The following ADK variants were observed in gnomAD, a reference collection of about 807,000 sequenced individuals.
The protein encoded by ADK is N6,N6-dimethyladenosine kinase.
Under a neutral mutation model 44.7 loss-of-function variants are expected in ADK, and 24 were observed. The ratio of observed to expected loss-of-function variants is 0.54; its 90% CI spans 0.39 to 0.76. The LOEUF is 0.76. ADK is among the 30% of genes least tolerant of loss of function. ADK has a pLI of 0.00. For missense variants in ADK, 321 were observed against 425.1 expected, an observed-to-expected ratio of 0.76 and a Z score of 2.15; for synonymous variants, 128 against 142.6, an observed-to-expected ratio of 0.90 and a Z score of 0.73.
At chr10:74,684,073 TC>T (rs1855709014) in intron 10 of ADK, among the ~76,000 whole-genome samples, 1 of 152,212 alleles carries the variant, frequency 6.6e-6, no homozygotes, top group African/African-American at 2.4e-5. Flanking sequence ...TGGATGAATT[TC>T]ACTGCAGTTT....
intron 9 of ADK, chr10:74,655,105 G>A: frequency 3.6e-6 from 1 of 277,942 alleles, no homozygotes; most frequent in African/African-American, 2.3e-5. Context: ...CTTACCCTGG[G>A]GGTTGAGGTT....
intron 10 of ADK, among the ~76,000 whole-genome samples, chr10:74,685,430 T>TG (rs1302694921): frequency 1.3e-5 from 2 of 152,212 alleles, no homozygotes; most frequent in Non-Finnish European, 2.9e-5. Flanking sequence ...TTTCTTTGTC[T>TG]TTGAAATGCT....
intron 6 of ADK, among the ~76,000 whole-genome samples, chr10:74,513,242 G>T (rs143216016): frequency 5.4e-4 from 82 of 152,290 alleles, no homozygotes; most frequent in Admixed American, 2.2e-3. Context: ...ACTGTTGGCT[G>T]AAATGTTCTA....
intron 2 of ADK, among the ~76,000 whole-genome samples, chr10:74,201,279 A>G (rs1843369255): frequency 6.6e-6 from 1 of 152,158 alleles, no homozygotes; most frequent in Admixed American, 6.6e-5. Context: ...AATTCAGAGG[A>G]TATGAAGCTC....
At chr10:74,242,788 C>T (rs1379421260) in intron 3 of ADK, among the ~76,000 whole-genome samples, 1 of 152,208 alleles carries the variant, frequency 6.6e-6, no homozygotes, top group Non-Finnish European at 1.5e-5. Flanking sequence ...GCCCCGGACT[C>T]AGTAGGTAGA....
At chr10:74,397,845 C>G (rs1292673152) in intron 5 of ADK, among the ~76,000 whole-genome samples, 1 of 152,136 alleles carries the variant, frequency 6.6e-6, no homozygotes, top group Admixed American at 6.5e-5. Context: ...CAACCTGCAG[C>G]AAGATTTTAA....
chr10:74,682,805 C>T (rs576962401), intron 10 of ADK, among the ~76,000 whole-genome samples: 80 of 152,140 alleles, frequency 5.3e-4, no homozygotes, highest in African/African-American at 1.9e-3. Flanking sequence ...AACTCCTGAC[C>T]TCAGATGATC....
At chr10:74,210,703 A>G (rs1047451024) in intron 2 of ADK, among the ~76,000 whole-genome samples, 3 of 152,232 alleles carry the variant, frequency 2.0e-5, no homozygotes, top group African/African-American at 4.8e-5. Flanking sequence ...ATTCAGTGCC[A>G]ATAATTTACA....
intron 4 of ADK, among the ~76,000 whole-genome samples, chr10:74,339,589 T>C (rs1841519463): frequency 6.6e-6 from 1 of 152,324 alleles, no homozygotes; most frequent in African/African-American, 2.4e-5. Context: ...ATTTCTATGA[T>C]GGTCCCATAC....
At chr10:74,288,576 G>C (rs946489247) in intron 3 of ADK, among the ~76,000 whole-genome samples, 1 of 151,428 alleles carries the variant, frequency 6.6e-6, no homozygotes, top group African/African-American at 2.4e-5. Context: ...CTTGAACCCG[G>C]GAGGTGGAGA....
At chr10:74,703,181 A>G (rs1856491836) in intron 10 of ADK, among the ~76,000 whole-genome samples, 1 of 152,148 alleles carries the variant, frequency 6.6e-6, no homozygotes, top group Non-Finnish European at 1.5e-5. Flanking sequence ...GGGAAAATAA[A>G]TAAGTAATGG....
At chr10:74,678,139 T>G (rs959542569) in intron 10 of ADK, among the ~76,000 whole-genome samples, 6 of 128,500 alleles carry the variant, frequency 4.7e-5, no homozygotes, top group Admixed American at 2.5e-4. Context: ...AGACCCTGTC[T>G]CTACAAAAAA....
chr10:74,620,331 T>A (rs564569833), intron 9 of ADK, among the ~76,000 whole-genome samples: 2 of 152,308 alleles, frequency 1.3e-5, no homozygotes, highest in East Asian at 3.9e-4. Context: ...TGAGATCAAC[T>A]TTTTTTAGCT....
intron 4 of ADK, among the ~76,000 whole-genome samples, chr10:74,388,077 T>A (rs916180054): frequency 6.6e-6 from 1 of 152,036 alleles, no homozygotes; most frequent in Non-Finnish European, 1.5e-5. Flanking sequence ...CCTGGTTAAT[T>A]TTTTGTATTT....
At chr10:74,550,888 GT>G (rs533702817) in intron 7 of ADK, among the ~76,000 whole-genome samples, 11 of 152,226 alleles carry the variant, frequency 7.2e-5, no homozygotes, top group African/African-American at 2.4e-4. Flanking sequence ...GTCTCGCTAT[GT>G]TGCAGGTTTC....
At chr10:74,647,025 A>G (rs1854076743) in intron 9 of ADK, among the ~76,000 whole-genome samples, 1 of 152,200 alleles carries the variant, frequency 6.6e-6, no homozygotes. Context: ...ATCTCAAATT[A>G]AAAGGTATTA....
rs562668626 is a variant in ADK at position 74,340,110 on chromosome 10, G to A, written c.273+25365G>A. Among the ~76,000 whole-genome samples, 101 of 152,164 alleles carry A rather than the reference G, an allele frequency of 6.6e-4. 1 individual carries two copies. Among genetic ancestry groups the A allele is most frequent in the African/African-American group, 2.2e-3 (92 of 41,508 alleles). On this transcript the variant is annotated intron_variant, in intron 4 of 10. Transcript: ENST00000539909. The stretch of plus-strand genomic sequence containing the variant: ...ATAGGAGGGAATTTAAACTGTTTGA[G>A]TTAATATTAACATATTCTATTACTA...
At chr10:74,478,930 C>T (rs1292605100) in intron 6 of ADK, among the ~76,000 whole-genome samples, 2 of 152,190 alleles carry the variant, frequency 1.3e-5, no homozygotes, top group Non-Finnish European at 2.9e-5. Context: ...TACTGTGTGT[C>T]AGTGTTGTGC....
In ADK at chr10:74,456,133, G is replaced by T. The variant is rs202144517; in HGVS notation, c.555+57554G>T. On this transcript the variant is annotated intron_variant, in intron 6 of 10. Coordinates refer to ENST00000539909, the MANE Select transcript of ADK (RefSeq NM_006721.4). ...CTGTTAATATTAGACAGATCAACGA[G>T]ACAGAAAATTAACAAGGATATTCAG... is the stretch of plus-strand genomic sequence containing the variant. 5.0e-4 allele frequency among the ~76,000 whole-genome samples: 76 copies of T among 152,092 alleles called. No individual in the cohort carries two copies. The East Asian group carries it at 0.014, about 29-fold the overall frequency.
Sources: gnomAD v4.1 joint callset for allele counts (sites outside exome capture counted in the v4.1 genomes callset) on GRCh38, gnomAD v4.1.1 for gene constraint, MANE v1.5 for transcripts, NCBI Gene and HGNC (gene_info 2026-07-23, HGNC 2026-07-21) for gene names.